The following EVA1A variants were observed in gnomAD, a reference collection of about 807,000 sequenced individuals.
The protein encoded by EVA1A is protein eva-1 homolog A.
In EVA1A, 7 loss-of-function variants were observed where a neutral mutation model predicts 9.8. That is an observed-to-expected ratio of 0.71 (90% CI 0.41 to 1.34). EVA1A has a LOEUF of 1.34. Among genes scored for constraint, EVA1A ranks in the 40% most tolerant of loss-of-function variants. The probability of loss-of-function intolerance (pLI) is 0.01; values close to 1 mark genes in which losing one functional copy is unlikely to be tolerated. For missense variants in EVA1A, 206 were observed against 205.9 expected (o/e 1.00, Z 0.00); for synonymous variants, 90 against 85.6 (o/e 1.05, Z -0.28).
intron 3 of EVA1A, among the ~76,000 whole-genome samples, chr2:75,516,812 T>G (rs1675022725): frequency 6.6e-6 from 1 of 152,230 alleles, no homozygotes. Context: ...TTCAATTGCT[T>G]GTGAAAACGA....
In EVA1A at chr2:75,516,476, G is replaced by T. The variant is rs371843002; in HGVS notation, c.85+1580C>A. Among the ~76,000 whole-genome samples, 61 of 152,324 alleles carry T rather than the reference G, an allele frequency of 4.0e-4. No homozygotes were observed. The South Asian group carries it at 0.012, about 31-fold the overall frequency. On this transcript the variant is annotated intron_variant, in intron 3 of 3. Transcript: ENST00000393913. ...TTCATGAGTATGGGGCAGGAAGGAG[G>T]AAGTTTGGAGGGGAGAGAAAAACAG...
chr2:75,543,340 G>A (rs1170598998), intron 1 of EVA1A, among the ~76,000 whole-genome samples: 3 of 152,090 alleles, frequency 2.0e-5, no homozygotes, highest in South Asian at 4.2e-4. Flanking sequence ...TGTAGAACTC[G>A]CAGAAGTAAC....
At chr2:75,566,672 A>T (rs1200392802) in intron 1 of EVA1A, among the ~76,000 whole-genome samples, 1 of 152,106 alleles carries the variant, frequency 6.6e-6, no homozygotes, top group East Asian at 1.9e-4. Context: ...AGATTTAAAT[A>T]CTCCTGGATC....
At chr2:75,518,513 T>C (rs1675099024) in intron 2 of EVA1A, 1 of 787,758 alleles carries the variant, frequency 1.3e-6, no homozygotes, top group Non-Finnish European at 1.6e-6. Flanking sequence ...TGGGGTCTTG[T>C]GCTCTTTGTT....
intron 1 of EVA1A, among the ~76,000 whole-genome samples, chr2:75,549,527 G>A (rs982007358): frequency 6.6e-6 from 1 of 152,192 alleles, no homozygotes; most frequent in African/African-American, 2.4e-5. Context: ...CCAGGTGAGA[G>A]ACCTGGCTGG....
chr2:75,494,005 ACC>A (rs2103761060), intron 3 of EVA1A, among the ~76,000 whole-genome samples: 1 of 152,140 alleles, frequency 6.6e-6, no homozygotes, highest in Admixed American at 6.5e-5. Context: ...TTGCTCATAC[ACC>A]CCCACTGAAT....
chr2:75,520,881 A>T (rs535343342), intron 2 of EVA1A, among the ~76,000 whole-genome samples: 1 of 152,328 alleles, frequency 6.6e-6, no homozygotes, highest in South Asian at 2.1e-4. Context: ...TGTGCATCAC[A>T]GGGCACAACA....
intron 1 of EVA1A, among the ~76,000 whole-genome samples, chr2:75,524,830 T>C (rs926483029): frequency 7.2e-5 from 11 of 152,200 alleles, no homozygotes; most frequent in African/African-American, 2.7e-4. Flanking sequence ...CATGGTTCCA[T>C]TAATGAATGA....
At chr2:75,495,274 C>A (rs1674170446) in intron 3 of EVA1A, among the ~76,000 whole-genome samples, 1 of 152,166 alleles carries the variant, frequency 6.6e-6, no homozygotes, top group Non-Finnish European at 1.5e-5. Flanking sequence ...AAACAATGGG[C>A]TGTTAATGAT....
chr2:75,527,962 T>A (rs959445327), intron 1 of EVA1A, among the ~76,000 whole-genome samples: 1 of 152,148 alleles, frequency 6.6e-6, no homozygotes, highest in Admixed American at 6.5e-5. Flanking sequence ...TGAACATACA[T>A]CCTCACTGGG....
At chr2:75,533,038 G>A (rs1675725051) in intron 1 of EVA1A, among the ~76,000 whole-genome samples, 1 of 151,876 alleles carries the variant, frequency 6.6e-6, no homozygotes, top group Non-Finnish European at 1.5e-5. Flanking sequence ...CAGCTACTCA[G>A]GAGGCTGAGG....
chr2:75,502,920 G>A (rs1674479792), intron 3 of EVA1A, among the ~76,000 whole-genome samples: 1 of 152,158 alleles, frequency 6.6e-6, no homozygotes, highest in African/African-American at 2.4e-5. Flanking sequence ...AGTCATTCTA[G>A]CTTTCATATA....
In EVA1A at chr2:75,560,730, G is replaced by A. The variant is rs984216890; in HGVS notation, c.-242C>T. ...TCCGGGGACTGCGCTTGGGGCGCGC[G>A]GGGCCGAGCAGGGGGACCCGGAGCT... On this transcript the variant is annotated 5_prime_UTR_variant, in exon 1 of 4. Coordinates refer to ENST00000393913, the MANE Select transcript of EVA1A (RefSeq NM_001135032.2). 6.6e-6 allele frequency: 1 copy of A among 152,438 alleles called. No homozygotes were observed. Among genetic ancestry groups the A allele is most frequent in the Admixed American group, 6.5e-5 (1 of 15,286 alleles). 9.4% of individuals were successfully genotyped at this position (152,438 alleles called of 1,614,324 possible). A position where few individuals can be genotyped will look rare whatever the true frequency, so the allele number is the denominator to read the frequency against.
At chr2:75,528,780 G>A (rs896881728) in intron 1 of EVA1A, among the ~76,000 whole-genome samples, 3 of 152,068 alleles carry the variant, frequency 2.0e-5, no homozygotes, top group Non-Finnish European at 4.4e-5. Flanking sequence ...GTGACCTTAG[G>A]GCAAGCTTGC....
intron 3 of EVA1A, among the ~76,000 whole-genome samples, chr2:75,516,361 C>G (rs928638340): frequency 2.6e-5 from 4 of 152,232 alleles, no homozygotes; most frequent in Admixed American, 2.6e-4. Flanking sequence ...TTTAGCCACA[C>G]TGCTTTTCCA....
chr2:75,494,132 C>T (rs911092903), intron 3 of EVA1A, among the ~76,000 whole-genome samples: 1 of 152,104 alleles, frequency 6.6e-6, no homozygotes, highest in African/African-American at 2.4e-5. Flanking sequence ...CTAAGAAATA[C>T]AGTTGACCCT....
intron 3 of EVA1A, among the ~76,000 whole-genome samples, chr2:75,498,068 A>G (rs1389575326): frequency 3.9e-5 from 6 of 152,154 alleles, no homozygotes; most frequent in Non-Finnish European, 8.8e-5. Context: ...TAGCAAAAAC[A>G]TGGAATCAAC....
At chr2:75,498,721 C>T (rs941371351) in intron 3 of EVA1A, among the ~76,000 whole-genome samples, 2 of 151,874 alleles carry the variant, frequency 1.3e-5, no homozygotes, top group African/African-American at 4.8e-5. Context: ...AAGTGAACTA[C>T]ATGTTGTCAA....
intron 1 of EVA1A, among the ~76,000 whole-genome samples, chr2:75,546,390 T>C (rs929220181): frequency 1.3e-5 from 2 of 151,974 alleles, no homozygotes; most frequent in Admixed American, 1.3e-4. Context: ...AAGTGCCAAG[T>C]AGGGAAAGAA....
Sources: gnomAD v4.1 joint callset for allele counts (sites outside exome capture counted in the v4.1 genomes callset) on GRCh38, gnomAD v4.1.1 for gene constraint, MANE v1.5 for transcripts, NCBI Gene and HGNC (gene_info 2026-07-23, HGNC 2026-07-21) for gene names.